The following RAP1GAP variants were observed in gnomAD, a reference collection of about 807,000 sequenced individuals.
The protein encoded by RAP1GAP is rap1 GTPase-activating protein 1.
RAP1GAP carries 35 observed loss-of-function variants against 87.2 expected under a neutral mutation model. The ratio of observed to expected loss-of-function variants is 0.40; its 90% CI spans 0.31 to 0.53. The LOEUF (loss-of-function observed/expected upper bound fraction) is 0.53, where lower values mean the gene tolerates loss of function less well. Among genes scored for constraint, RAP1GAP ranks in the 20% least tolerant of loss-of-function variants. The probability of loss-of-function intolerance (pLI) is 0.48; values close to 1 mark genes in which losing one functional copy is unlikely to be tolerated. For missense variants in RAP1GAP, 734 were observed against 898.9 expected (o/e 0.82, Z 2.35); for synonymous variants, 375 against 363.9 (o/e 1.03, Z -0.35).
intron 1 of RAP1GAP, among the ~76,000 whole-genome samples, chr1:21,661,039 G>A (rs1462369365): frequency 1.3e-5 from 2 of 152,092 alleles, no homozygotes; most frequent in East Asian, 3.9e-4. Context: ...ATCGCCTGAG[G>A]TCAGGAGTTC....
chr1:21,599,477 C>A lies in RAP1GAP; in HGVS notation c.1776+17G>T. The A allele has an allele frequency of 6.2e-7, 1 of 1,601,100 alleles. No homozygotes were observed. Among genetic ancestry groups the A allele is most frequent in the East Asian group, 2.2e-5 (1 of 44,818 alleles). ...TCCAAGCTCCTGTGGGGCCCCTGACCCCCCTGAGCCTCTCACCAGGCCTGT... is the reference window on the plus strand; with the variant it reads ...TCCAAGCTCCTGTGGGGCCCCTGACACCCCTGAGCCTCTCACCAGGCCTGT... On this transcript the variant is annotated intron_variant, in intron 21 of 24. Coordinates refer to ENST00000374765, the MANE Select transcript of RAP1GAP (RefSeq NM_002885.4).
rs2080058261 is a variant in RAP1GAP, at chr1:21,613,796, T to C, written c.396-90A>G. On this transcript the variant is annotated intron_variant, in intron 8 of 24. Coordinates refer to ENST00000374765, the MANE Select transcript of RAP1GAP (RefSeq NM_002885.4). The surrounding 1 kb of genome is among the most constrained non-coding windows in gnomAD (Gnocchi z 4.7). ...CCCACAAAGTAAGGCCAGAAGGGGG[T>C]GGACCACAGCGAGGACCAGAGGTGA... 7.4e-7 allele frequency: 1 copy of C among 1,347,948 alleles called. No individual in the cohort carries two copies. Among genetic ancestry groups the C allele is most frequent in the African/African-American group, 1.4e-5 (1 of 69,508 alleles). The allele number at this position is 1,347,948 out of a possible 1,614,324, so 83.5% of individuals were successfully genotyped here. A position where few individuals can be genotyped will look rare whatever the true frequency, so the allele number is the denominator to read the frequency against.
chr1:21,631,648 T>C (rs2093760282), intron 2 of RAP1GAP, among the ~76,000 whole-genome samples: 1 of 152,064 alleles, frequency 6.6e-6, no homozygotes, highest in African/African-American at 2.4e-5. Context: ...ATTGCGCCAT[T>C]GCACTCCAGC....
chr1:21,608,154 C>T (rs2149168663), intron 17 of RAP1GAP, 59 bp downstream of exon 17: 2 of 1,590,452 alleles, frequency 1.3e-6, no homozygotes, highest in African/African-American at 1.3e-5. Context: ...AGCCTCAGCC[C>T]GGGATTCCGC....
At chr1:21,612,171 C>T in intron 10 of RAP1GAP, 62 bp from the exon 11 acceptor site, 4 of 1,342,670 alleles carry the variant, frequency 3.0e-6, no homozygotes, top group Non-Finnish European at 4.2e-6. Flanking sequence ...ACGTGCTCTT[C>T]CCCCGTGCCA....
At chr1:21,647,016 T>A (rs561853627) in intron 2 of RAP1GAP, among the ~76,000 whole-genome samples, 10 of 152,186 alleles carry the variant, frequency 6.6e-5, no homozygotes, top group African/African-American at 2.4e-4. Context: ...GAAAATCACC[T>A]CCTCTAGGAA....
intron 2 of RAP1GAP, among the ~76,000 whole-genome samples, chr1:21,643,425 G>A (rs1194676528): frequency 6.6e-6 from 1 of 152,060 alleles, no homozygotes; most frequent in Non-Finnish European, 1.5e-5. Context: ...GGGCATGGTG[G>A]CACACGCCTG....
In RAP1GAP at chr1:21,627,409, CTT is replaced by C. The variant is rs755209828; in HGVS notation, c.-112-1014_-112-1013del. Among the ~76,000 whole-genome samples, 40 of 125,230 alleles carry C rather than the reference CTT, an allele frequency of 3.2e-4. 1 individual carries two copies. Among genetic ancestry groups the C allele is most frequent in the Admixed American group, 1.0e-3 (13 of 12,508 alleles). The allele number at this position is 125,230 out of a possible 152,430, so 82.2% of individuals were successfully genotyped here. A position where few individuals can be genotyped will look rare whatever the true frequency, so the allele number is the denominator to read the frequency against. On this transcript the variant is annotated intron_variant, in intron 2 of 24. Transcript: ENST00000374765. ...GAGAAAGCTGTGAGCCTCCCTTCTT[CTT>C]TTTTTTTTTTTTTTTTTTTTATGAC...
At position 21,617,424 on chromosome 1, in the gene RAP1GAP, C is replaced by T. The variant is rs1463626565; in HGVS notation, c.173G>A (p.Gly58Asp). 6.2e-7 allele frequency: 1 copy of T among 1,605,302 alleles called. No homozygotes were observed. Among genetic ancestry groups the T allele is most frequent in the Non-Finnish European group, 8.5e-7 (1 of 1,176,388 alleles). The change falls in exon 7 of 25, where the codon GGC becomes GAC. Residue 58 changes from glycine (G) to aspartate (D), a missense_variant. By Grantham distance (94) the Gly-to-Asp change is moderately conservative (BLOSUM62 -1). This residue lies in a region of RAP1GAP where 485 missense variants were observed against 646.2 expected (regional missense o/e 0.75). Coordinates refer to ENST00000374765, the MANE Select transcript of RAP1GAP (RefSeq NM_002885.4). ...GATGCTGGTGATTTCGTGGTTGGTGCCCTCAATCCAGTAGCCCCCAAACTG... is the reference window on the plus strand; with the variant it reads ...GATGCTGGTGATTTCGTGGTTGGTGTCCTCAATCCAGTAGCCCCCAAACTG... ...LPQFGGYWIE[G>D]TNHEITSIPE...
chr1:21,660,572 G>T lies in RAP1GAP; in HGVS notation c.-149+8682C>A, dbSNP rs139879316. Among the ~76,000 whole-genome samples, 50 of 151,772 alleles carry T rather than the reference G, an allele frequency of 3.3e-4. 2 individuals carry two copies. The East Asian group carries it at 9.4e-3, about 29-fold the overall frequency. ...TGGTCTTCAACTCCCAACCTCAAGT[G>T]GTCCTCCCGCCTCAGCCTCCCAAAG... On this transcript the variant is annotated intron_variant, in intron 1 of 24. Coordinates refer to ENST00000374765, the MANE Select transcript of RAP1GAP (RefSeq NM_002885.4).
At chr1:21,616,507 T>C (rs896694106) in intron 7 of RAP1GAP, among the ~76,000 whole-genome samples, 7 of 152,194 alleles carry the variant, frequency 4.6e-5, no homozygotes, top group Non-Finnish European at 8.8e-5. Context: ...AAACAGTTAA[T>C]GGAAGAGCCA....
At chr1:21,626,274 G>A in intron 3 of RAP1GAP, 30 bp downstream of exon 3, 1 of 1,546,868 alleles carries the variant, frequency 6.5e-7, no homozygotes, top group Non-Finnish European at 8.9e-7. Flanking sequence ...GGGCAGACCA[G>A]GGGCCGTAGG....
At chr1:21,606,627 C>T (rs2149069798) in intron 17 of RAP1GAP, among the ~76,000 whole-genome samples, 1 of 152,302 alleles carries the variant, frequency 6.6e-6, no homozygotes, top group African/African-American at 2.4e-5. Context: ...CTGTTAGGGC[C>T]TCTTAGAGCT....
At position 21,599,702 on chromosome 1, in the gene RAP1GAP, G is replaced by A. The variant is rs2066605430; in HGVS notation, c.1653-85C>T. ...CTCACTCCCTTGCCCTCCCCAACCC[G>A]GGAGGCCCAGCTGGTAGCAGCCAAG... On this transcript the variant is annotated intron_variant, in intron 20 of 24. Transcript: ENST00000374765. The A allele has an allele frequency of 6.6e-6, 10 of 1,513,672 alleles. No individual in the cohort carries two copies. In the East Asian group the frequency reaches 7.0e-5, roughly 11 times the overall value. 93.8% of individuals were successfully genotyped at this position (1,513,672 alleles called of 1,614,324 possible).
At chr1:21,624,252 GTCCCTTC>G (rs1156931987) in intron 3 of RAP1GAP, among the ~76,000 whole-genome samples, 1 of 152,164 alleles carries the variant, frequency 6.6e-6, no homozygotes, top group Non-Finnish European at 1.5e-5. Context: ...GGAGGAGAAT[GTCCCTTC>G]TGGGTGCCCT....
chr1:21,612,973 T>A, intron 10 of RAP1GAP: 1 of 610,740 alleles, frequency 1.6e-6, no homozygotes. Context: ...ACGCAGGCCC[T>A]CCTATCTGCT....
intron 1 of RAP1GAP, chr1:21,651,374 GC>G (rs755370396): frequency 1.9e-6 from 1 of 513,728 alleles, no homozygotes; most frequent in African/African-American, 1.9e-5. Context: ...TGACCTGCCT[GC>G]CCCTACTCCC....
intron 6 of RAP1GAP, among the ~76,000 whole-genome samples, 168 bp downstream of exon 6, chr1:21,617,766 C>A (rs2083240988): frequency 6.6e-6 from 1 of 152,302 alleles, no homozygotes; most frequent in South Asian, 2.1e-4. Flanking sequence ...GCTCAGAAGG[C>A]CTAAGGGTTC....
At chr1:21,621,113 T>G (rs1558730978) in intron 3 of RAP1GAP, among the ~76,000 whole-genome samples, 1 of 152,040 alleles carries the variant, frequency 6.6e-6, no homozygotes, top group East Asian at 1.9e-4. Context: ...CCAGGAGAGA[T>G]ACACACACAA....
Sources: allele counts gnomAD v4.1 joint callset (sites outside exome capture counted in the v4.1 genomes callset), GRCh38; gene constraint gnomAD v4.1.1; regional missense constraint gnomAD v4.1.1; non-coding constraint Gnocchi (gnomAD v3.1); transcripts MANE v1.5; gene names NCBI Gene and HGNC (gene_info 2026-07-23, HGNC 2026-07-21).